The following CCDC138 variants were observed in gnomAD, a reference collection of about 807,000 sequenced individuals.
CCDC138 encodes coiled-coil domain-containing protein 138.
In CCDC138, 66 loss-of-function variants were observed where a neutral mutation model predicts 82.3. The observed-to-expected ratio is 0.80, with a 90% confidence interval of 0.66 to 0.98. The LOEUF is 0.98. Ranked by LOEUF, CCDC138 falls within the 50% of genes least tolerant of loss-of-function variation. The pLI is 0.00. For synonymous variants in CCDC138, 297 were observed against 265.4 expected (o/e 1.12, Z -1.16); for missense variants, 816 against 758.9 (o/e 1.08, Z -0.88).
At chr2:108,822,490 C>CAG (rs1282303578) in intron 10 of CCDC138, among the ~76,000 whole-genome samples, 1 of 152,296 alleles carries the variant, frequency 6.6e-6, no homozygotes, top group East Asian at 1.9e-4. Flanking sequence ...CCAACAACAG[C>CAG]AGATGATACA....
intron 1 of CCDC138, among the ~76,000 whole-genome samples, chr2:108,787,138 A>G (rs979466041): frequency 3.3e-5 from 5 of 152,278 alleles, no homozygotes; most frequent in East Asian, 3.9e-4. Flanking sequence ...TGTTCCTGGT[A>G]TACTGGGCAT....
At position 108,828,416 on chromosome 2, in the gene CCDC138, A is replaced by G. The variant is rs182843474; in HGVS notation, c.1207-10769A>G. On this transcript the variant is annotated intron_variant, in intron 10 of 14. Coordinates refer to ENST00000295124, the MANE Select transcript of CCDC138 (RefSeq NM_144978.3). ...AAAAGCCAAAACAACCATAAAAAGAACAAAGTTAGAGAGAGCTCTCATACT... is the reference window on the plus strand; with the variant it reads ...AAAAGCCAAAACAACCATAAAAAGAGCAAAGTTAGAGAGAGCTCTCATACT... Among the ~76,000 whole-genome samples, 11 of 152,334 alleles carry G rather than the reference A, an allele frequency of 7.2e-5. No homozygotes were observed. In the East Asian group the frequency reaches 1.2e-3, roughly 16 times the overall value.
chr2:108,812,396 A>G lies in CCDC138; in HGVS notation c.856-235A>G, dbSNP rs1684023550. ...ACTAAAATATATGTATATGCTTTTA[A>G]GACATCTGGAGTCTTGTACATTTTT... On this transcript the variant is annotated intron_variant, in intron 7 of 14. Transcript: ENST00000295124. Among the ~76,000 whole-genome samples, 4 of 152,202 alleles carry G rather than the reference A, an allele frequency of 2.6e-5. No individual in the cohort carries two copies. In the South Asian group the frequency reaches 8.3e-4, roughly 31 times the overall value.
chr2:108,861,400 G>T (rs1693579174), intron 13 of CCDC138, among the ~76,000 whole-genome samples: 1 of 151,152 alleles, frequency 6.6e-6, no homozygotes, highest in African/African-American at 2.4e-5. Flanking sequence ...AGTTCCTGTA[G>T]GTGTGACATT....
chr2:108,876,009 C>A, intron 14 of CCDC138, 79 bp from the exon 15 acceptor site: 1 of 847,820 alleles, frequency 1.2e-6, no homozygotes, highest in Non-Finnish European at 1.8e-6. Context: ...CATGTTTACA[C>A]ATAAATTATC....
chr2:108,834,509 C>T (rs1034007892), intron 10 of CCDC138, among the ~76,000 whole-genome samples: 7 of 152,208 alleles, frequency 4.6e-5, no homozygotes, highest in African/African-American at 1.7e-4. Context: ...GCCACCATGC[C>T]TGGCCTGAAA....
chr2:108,879,680 A>G (rs543087598), downstream of CCDC138, among the ~76,000 whole-genome samples: 3 of 152,216 alleles, frequency 2.0e-5, no homozygotes, highest in South Asian at 2.1e-4. Flanking sequence ...GGGTCTTTTA[A>G]TTGTTACCAT....
intron 10 of CCDC138, among the ~76,000 whole-genome samples, chr2:108,836,110 A>G (rs10865022): frequency 0.71 from 108,361 of 152,134 alleles, 41,619 homozygotes; most frequent in East Asian, 0.9. Context: ...TTTCCAACAC[A>G]TAAATTTTGA....
intron 4 of CCDC138, among the ~76,000 whole-genome samples, chr2:108,792,015 C>T (rs1679990171): frequency 6.6e-6 from 1 of 152,128 alleles, no homozygotes; most frequent in African/African-American, 2.4e-5. Context: ...TATTCCTGTA[C>T]CCTCAAAATT....
chr2:108,805,599 C>T (rs539995190), intron 7 of CCDC138, among the ~76,000 whole-genome samples: 26 of 151,714 alleles, frequency 1.7e-4, no homozygotes, highest in Middle Eastern at 3.4e-3. Context: ...TGATGGCGGG[C>T]GCCTGTAGTC....
At chr2:108,866,337 T>C (rs1694410080) in intron 13 of CCDC138, among the ~76,000 whole-genome samples, 1 of 152,238 alleles carries the variant, frequency 6.6e-6, no homozygotes, top group African/African-American at 2.4e-5. Flanking sequence ...TTTAATCACA[T>C]CTGCAAAGCA....
intron 11 of CCDC138, 30 bp from the exon 12 acceptor site, chr2:108,846,708 A>G (rs1402361290): frequency 6.4e-7 from 1 of 1,562,248 alleles, no homozygotes; most frequent in South Asian, 1.2e-5. Flanking sequence ...ACATGAATAA[A>G]TATACTAAGA....
chr2:108,876,168 C>T lies in CCDC138; in HGVS notation c.1913C>T (p.Ala638Val). 1.2e-6 allele frequency: 2 copies of T among 1,611,778 alleles called. No homozygotes were observed. The highest frequency in any genetic ancestry group is 2.2e-5 in the South Asian group (2 of 91,002). ...CAAAGGACAACAAACCCAGAGCATG[C>T]ATTTCTCTGTATTAATCTAAATTCA... ...EIQRTTNPEH[A>V]FLCINLNSTL... Residue 638 changes from alanine to valine, a missense_variant, in exon 15 of 15, where the codon GCA (alanine) becomes GTA (valine). Transcript: ENST00000295124.
At chr2:108,869,921 C>G (rs1025235022) in intron 13 of CCDC138, among the ~76,000 whole-genome samples, 5 of 152,002 alleles carry the variant, frequency 3.3e-5, no homozygotes, top group Non-Finnish European at 7.4e-5. Flanking sequence ...CTGGCTCATC[C>G]AAAGGAACAA....
At chr2:108,811,245 C>T (rs62153589) in intron 7 of CCDC138, among the ~76,000 whole-genome samples, 20 of 109,602 alleles carry the variant, frequency 1.8e-4, no homozygotes, top group Admixed American at 4.1e-4. Flanking sequence ...CTTTCTCTCT[C>T]TCTTTTTTTT....
intron 6 of CCDC138, among the ~76,000 whole-genome samples, chr2:108,804,128 C>T (rs934837286): frequency 2.6e-5 from 4 of 151,914 alleles, no homozygotes; most frequent in Non-Finnish European, 5.9e-5. Flanking sequence ...GGATAACTGC[C>T]TTATTTTCAT....
intron 11 of CCDC138, among the ~76,000 whole-genome samples, chr2:108,841,267 A>T (rs935899071): frequency 6.6e-6 from 1 of 152,178 alleles, no homozygotes; most frequent in Admixed American, 6.5e-5. Flanking sequence ...ATAAATGTCA[A>T]TTTGATCCTG....
intron 13 of CCDC138, among the ~76,000 whole-genome samples, chr2:108,863,008 A>G (rs1428446509): frequency 6.6e-6 from 1 of 152,228 alleles, no homozygotes; most frequent in African/African-American, 2.4e-5. Flanking sequence ...TCCAGGCATT[A>G]AACTTGTTCT....
intron 10 of CCDC138, among the ~76,000 whole-genome samples, chr2:108,825,083 A>G (rs1270620684): frequency 6.6e-6 from 1 of 152,210 alleles, no homozygotes; most frequent in East Asian, 1.9e-4. Flanking sequence ...TAGCAACACA[A>G]GGAATCATGC....
Sources: gnomAD v4.1 joint callset for allele counts (sites outside exome capture counted in the v4.1 genomes callset) on GRCh38, gnomAD v4.1.1 for gene constraint, MANE v1.5 for transcripts, NCBI Gene and HGNC (gene_info 2026-07-23, HGNC 2026-07-21) for gene names.